The following IPO5 variants were observed in gnomAD, a reference collection of about 807,000 sequenced individuals.
IPO5 encodes the protein importin-5.
IPO5 carries 18 observed loss-of-function variants against 143.3 expected under a neutral mutation model. The observed-to-expected ratio is 0.13, with a 90% CI of 0.09 to 0.19. The LOEUF (loss-of-function observed/expected upper bound fraction) is 0.19. Ranked by LOEUF, IPO5 falls within the 10% of genes least tolerant of loss-of-function variation. The pLI is 1.00. For synonymous variants in IPO5, 477 were observed against 465.7 expected (o/e 1.02, Z -0.31); for missense variants, 1,013 against 1,336.9 (o/e 0.76, Z 3.78).
intron 2 of IPO5, among the ~76,000 whole-genome samples, chr13:97,965,824 T>C (rs1885283463): frequency 6.6e-6 from 1 of 151,562 alleles, no homozygotes; most frequent in South Asian, 2.1e-4. Context: ...CTATACGAAA[T>C]CATGTCACTT....
At chr13:98,011,074 CTTACTT>C (rs1311558073) in intron 20 of IPO5, among the ~76,000 whole-genome samples, 1 of 151,944 alleles carries the variant, frequency 6.6e-6, no homozygotes, top group Admixed American at 6.6e-5. Flanking sequence ...CTGGCCAATA[CTTACTT>C]TTAAAGTTAG....
chr13:97,983,965 C>CTTTTTTTTTT lies in IPO5; in HGVS notation c.171+1404_171+1413dup, dbSNP rs71117684. Among the ~76,000 whole-genome samples the CTTTTTTTTTT allele has an allele frequency of 8.5e-4, 39 of 45,846 alleles. 6 individuals are homozygous for CTTTTTTTTTT. Among genetic ancestry groups the CTTTTTTTTTT allele is most frequent in the African/African-American group, 1.1e-3 (13 of 11,306 alleles). The allele number at this position is 45,846 out of a possible 152,430, so 30.1% of individuals were successfully genotyped here. On this transcript the variant is annotated intron_variant, in intron 5 of 28. Transcript: ENST00000651721. ...TGAAGAACCCTATATAGGGTAACTT[C>CTTTTTTTTTT]TTTTTTTTTTTTTTTTTTTTTTTTT...
chr13:98,020,503 A>G (rs1890409842), intron 27 of IPO5, among the ~76,000 whole-genome samples: 1 of 152,224 alleles, frequency 6.6e-6, no homozygotes, highest in Non-Finnish European at 1.5e-5. Context: ...ACCAGGTCTT[A>G]ATCATGCTAT....
chr13:97,960,558 T>C (rs1161755682), intron 2 of IPO5, among the ~76,000 whole-genome samples: 1 of 149,260 alleles, frequency 6.7e-6, no homozygotes, highest in Admixed American at 6.6e-5. Context: ...TTTTATTTAT[T>C]TGGTTTTTTT....
At chr13:98,019,359 T>G (rs1386981852) in intron 26 of IPO5, among the ~76,000 whole-genome samples, 1 of 152,186 alleles carries the variant, frequency 6.6e-6, no homozygotes, top group Admixed American at 6.5e-5. Flanking sequence ...CACTAATCTC[T>G]CTGGGTCTCT....
intron 26 of IPO5, among the ~76,000 whole-genome samples, chr13:98,019,194 G>A (rs955344712): frequency 6.6e-6 from 1 of 151,894 alleles, no homozygotes; most frequent in African/African-American, 2.4e-5. Context: ...CCTCGTGATC[G>A]GCCCACCTCA....
intron 2 of IPO5, among the ~76,000 whole-genome samples, chr13:97,958,464 T>C (rs1288229256): frequency 6.6e-6 from 1 of 152,072 alleles, no homozygotes; most frequent in Non-Finnish European, 1.5e-5. Context: ...ATCAAGAAAT[T>C]CCAGAAGCTT....
At chr13:97,978,702 C>G (rs1190755590) in intron 4 of IPO5, among the ~76,000 whole-genome samples, 1 of 152,122 alleles carries the variant, frequency 6.6e-6, no homozygotes. Context: ...AATTAGTAAG[C>G]TAGTTTAATT....
intron 5 of IPO5, among the ~76,000 whole-genome samples, chr13:97,983,886 C>G (rs1413112025): frequency 7.1e-6 from 1 of 141,426 alleles, no homozygotes; most frequent in Non-Finnish European, 1.5e-5. Context: ...ACAAGAGGTA[C>G]TTCTTTGCTT....
rs760432194 is a variant in IPO5, at chr13:97,990,438, G to T, written c.570G>T (p.Arg190Ser). Residue 190 changes from arginine to serine, a missense_variant, in exon 9 of 29, where the codon AGG (arginine) becomes AGT (serine). Arg to Ser is a moderately radical substitution (Grantham distance 110). Around this residue, in one of 2 missense-constraint regions of IPO5, gnomAD observed 328 missense variants for 342.0 expected, o/e 0.96. Transcript: ENST00000651721. ...CMQDQEHPSI[R>S]TLSARATAAF... ...TTTTTTCCTCTTGATTTTAGATCAG[G>T]ACGTTATCTGCTAGAGCTACAGCTG... is the stretch of plus-strand genomic sequence containing the variant. The T allele has an allele frequency of 6.3e-7, 1 of 1,594,582 alleles. No individual in the cohort carries two copies. The highest frequency in any genetic ancestry group is 8.5e-7 in the Non-Finnish European group (1 of 1,171,790).
intron 6 of IPO5, among the ~76,000 whole-genome samples, chr13:97,988,435 C>T (rs1245778675): frequency 6.6e-6 from 1 of 152,184 alleles, no homozygotes; most frequent in East Asian, 1.9e-4. Context: ...AGGAGTCAGT[C>T]AATCAGATAT....
At chr13:97,975,450 C>T (rs2139589144) in intron 3 of IPO5, among the ~76,000 whole-genome samples, 1 of 152,298 alleles carries the variant, frequency 6.6e-6, no homozygotes, top group South Asian at 2.1e-4. Flanking sequence ...GAGATCGCGC[C>T]ACTGCACTCC....
chr13:97,984,009 C>T (rs1327483816), intron 5 of IPO5, among the ~76,000 whole-genome samples: 8 of 104,800 alleles, frequency 7.6e-5, no homozygotes, highest in African/African-American at 1.9e-4. Context: ...GACGGAGTCT[C>T]GCTCTGTCGC....
chr13:98,006,376 T>TA (rs2139799193), intron 17 of IPO5, 28 bp downstream of exon 17: 1 of 1,211,550 alleles, frequency 8.3e-7, no homozygotes, highest in Non-Finnish European at 1.1e-6. Context: ...TTTTTTTTTT[T>TA]TTTTTTTTTT....
chr13:97,960,814 C>T (rs1884811795), intron 2 of IPO5, among the ~76,000 whole-genome samples: 1 of 152,318 alleles, frequency 6.6e-6, no homozygotes, highest in Middle Eastern at 3.4e-3. Flanking sequence ...TCGCCTGAGC[C>T]TCCCAAAGTG....
intron 2 of IPO5, among the ~76,000 whole-genome samples, chr13:97,954,464 A>T (rs1475348857): frequency 6.6e-6 from 1 of 152,226 alleles, no homozygotes; most frequent in Non-Finnish European, 1.5e-5. Flanking sequence ...TGTTCCATTT[A>T]AAATCTTTAG....
rs140466684 is a variant in IPO5 at position 97,953,982 on chromosome 13, A to T, written c.-192-137A>T. ...TCATTGTTCTTTGGTATTGTGCCTT[A>T]CGTGAGCTGGGGACTAACTCTGTAT... On this transcript the variant is annotated intron_variant, in intron 1 of 28. Transcript: ENST00000651721. 19 of 449,986 alleles carry T rather than the reference A, an allele frequency of 4.2e-5. No homozygotes were observed. In the Admixed American group the frequency reaches 4.3e-4, roughly 10 times the overall value. The allele number at this position is 449,986 out of a possible 1,614,324, so 27.9% of individuals were successfully genotyped here.
chr13:97,957,429 C>T (rs897446797), intron 2 of IPO5, among the ~76,000 whole-genome samples: 16 of 151,952 alleles, frequency 1.1e-4, no homozygotes, highest in African/African-American at 2.7e-4. Flanking sequence ...TCTCGAACTC[C>T]GACCTCAGGT....
At chr13:98,017,211 TAC>T (rs1890173321) in intron 25 of IPO5, among the ~76,000 whole-genome samples, 1 of 151,922 alleles carries the variant, frequency 6.6e-6, no homozygotes, top group Admixed American at 6.6e-5. Context: ...TGTTATGTAC[TAC>T]CAGCAATCAT....
Sources: allele counts gnomAD v4.1 joint callset (sites outside exome capture counted in the v4.1 genomes callset), GRCh38; gene constraint gnomAD v4.1.1; regional missense constraint gnomAD v4.1.1; transcripts MANE v1.5; gene names NCBI Gene and HGNC (gene_info 2026-07-23, HGNC 2026-07-21).